DSCAM: variants seen among roughly 807,000 people sequenced by gnomAD.
The protein encoded by DSCAM is cell adhesion molecule DSCAM.
In DSCAM, 47 loss-of-function variants were observed where a neutral mutation model predicts 217.7. That is an observed-to-expected ratio of 0.22 (90% CI 0.17 to 0.28). The LOEUF (loss-of-function observed/expected upper bound fraction) is 0.28, where lower values mean the gene tolerates loss of function less well. Ranked by LOEUF, DSCAM falls within the 10% of genes least tolerant of loss-of-function variation. The pLI, the probability that DSCAM is intolerant of heterozygous loss-of-function variation, is 1.00. For synonymous variants in DSCAM, 1,056 were observed against 1,015.3 expected (o/e 1.04, Z -0.76); for missense variants, 2,080 against 2,618.3 (o/e 0.79, Z 4.49).
intron 8 of DSCAM, among the ~76,000 whole-genome samples, chr21:40,333,927 G>A (rs115184828): frequency 5.4e-4 from 82 of 152,272 alleles, no homozygotes; most frequent in Non-Finnish European, 8.8e-4. Flanking sequence ...TTGGGTTCTC[G>A]CACCTTGCAA....
In DSCAM at chr21:40,802,727, C is replaced by A. The variant is rs372359934; in HGVS notation, c.43+43892G>T. Among the ~76,000 whole-genome samples, 154 of 152,330 alleles carry A rather than the reference C, an allele frequency of 1.0e-3. 1 individual carries two copies. In the South Asian group the frequency reaches 0.032, roughly 32 times the overall value. ...CACTCAGCCCTTCACCATGTGATGG[C>A]CTGGGCTGCCTCAGGACTCTGCAAA... On this transcript the variant is annotated intron_variant, in intron 1 of 32. Coordinates refer to ENST00000400454, the MANE Select transcript of DSCAM (RefSeq NM_001389.5).
chr21:40,809,398 A>T (rs1003185362), intron 1 of DSCAM, among the ~76,000 whole-genome samples: 1 of 152,226 alleles, frequency 6.6e-6, no homozygotes, highest in African/African-American at 2.4e-5. Context: ...TCAAATAGGC[A>T]TGAGAGATAT....
At chr21:40,180,205 T>G (rs1225657319) in intron 14 of DSCAM, among the ~76,000 whole-genome samples, 1 of 152,160 alleles carries the variant, frequency 6.6e-6, no homozygotes, top group Non-Finnish European at 1.5e-5. Flanking sequence ...CTCTGAGTCT[T>G]GGGAATGGGG....
chr21:40,270,582 G>A (rs1404104742), intron 11 of DSCAM, among the ~76,000 whole-genome samples: 1 of 152,194 alleles, frequency 6.6e-6, no homozygotes, highest in African/African-American at 2.4e-5. Context: ...AATGATGATT[G>A]ATATGGTTTG....
chr21:40,674,914 C>T (rs2003642), intron 3 of DSCAM, among the ~76,000 whole-genome samples: 71,632 of 151,828 alleles, frequency 0.47, 17,304 homozygotes, highest in East Asian at 0.59. Flanking sequence ...TGAGCCACCG[C>T]GCCCGGCCCA....
At chr21:40,694,163 A>G (rs1358956059) in intron 2 of DSCAM, among the ~76,000 whole-genome samples, 1 of 152,204 alleles carries the variant, frequency 6.6e-6, no homozygotes, top group Non-Finnish European at 1.5e-5. Flanking sequence ...TATAGTCCCA[A>G]TTAGATGTGC....
chr21:40,759,343 T>C (rs544610119), intron 1 of DSCAM, among the ~76,000 whole-genome samples: 2 of 152,288 alleles, frequency 1.3e-5, no homozygotes, highest in East Asian at 3.9e-4. Flanking sequence ...CCAAGCATCA[T>C]GGTCACCTAA....
intron 3 of DSCAM, among the ~76,000 whole-genome samples, chr21:40,564,506 A>G (rs1246321216): frequency 6.6e-6 from 1 of 152,014 alleles, no homozygotes; most frequent in African/African-American, 2.4e-5. Context: ...CTCTATCAAT[A>G]CTTCTGGCCT....
At chr21:40,671,091 C>T (rs909605155) in intron 3 of DSCAM, among the ~76,000 whole-genome samples, 1 of 152,160 alleles carries the variant, frequency 6.6e-6, no homozygotes, top group Non-Finnish European at 1.5e-5. Flanking sequence ...CCATTCACAT[C>T]CACAGTCTAG....
chr21:40,187,603 C>G (rs1029608549), intron 13 of DSCAM, among the ~76,000 whole-genome samples: 1 of 152,162 alleles, frequency 6.6e-6, no homozygotes, highest in Admixed American at 6.5e-5. Flanking sequence ...TAAAATTGAG[C>G]AAAGAAATTC....
intron 32 of DSCAM, among the ~76,000 whole-genome samples, chr21:40,039,184 G>T (rs2088693862): frequency 6.7e-6 from 1 of 150,308 alleles, no homozygotes; most frequent in African/African-American, 2.5e-5. Flanking sequence ...GAAAAGAAAA[G>T]AAAAAGAATA....
At chr21:40,091,649 A>C (rs62235659) in intron 21 of DSCAM, among the ~76,000 whole-genome samples, 5,546 of 152,228 alleles carry the variant, frequency 0.036, 136 homozygotes, top group Non-Finnish European at 0.058. Flanking sequence ...TAATAAAGGC[A>C]TGCCTGAGAC....
chr21:40,037,328 C>G (rs1241658977), intron 32 of DSCAM, among the ~76,000 whole-genome samples: 1 of 149,870 alleles, frequency 6.7e-6, no homozygotes, highest in Non-Finnish European at 1.5e-5. Context: ...TCTCAGGATA[C>G]AAAATCAATG....
rs868130552 is a variant in DSCAM, at chr21:40,158,604, C to T, written c.3018+8614G>A. 2.0e-5 allele frequency among the ~76,000 whole-genome samples: 3 copies of T among 152,248 alleles called. No individual in the cohort carries two copies. In the Middle Eastern group the frequency reaches 0.01, roughly 518 times the overall value. Reference sequence around the variant, plus strand: ...ATTCCACACGGGCCCACGGGAGCAACACAGGCACTCCCTGAATCACACTCT... The same window carrying T: ...ATTCCACACGGGCCCACGGGAGCAATACAGGCACTCCCTGAATCACACTCT... On this transcript the variant is annotated intron_variant, in intron 16 of 32. Coordinates refer to ENST00000400454, the MANE Select transcript of DSCAM (RefSeq NM_001389.5).
At chr21:40,508,734 A>AAT (rs760072956) in intron 3 of DSCAM, among the ~76,000 whole-genome samples, 128 of 45,830 alleles carry the variant, frequency 2.8e-3, no homozygotes, top group Non-Finnish European at 4.5e-3. Flanking sequence ...ACACCCGGCA[A>AAT]ATATATATAT....
At chr21:40,700,745 T>G (rs1336548235) in intron 2 of DSCAM, among the ~76,000 whole-genome samples, 1 of 151,182 alleles carries the variant, frequency 6.6e-6, no homozygotes, top group Non-Finnish European at 1.5e-5. Flanking sequence ...CTTTTTTTTT[T>G]TTTTTGAGAT....
At chr21:40,726,644 CA>C (rs2090958160) in intron 1 of DSCAM, among the ~76,000 whole-genome samples, 1 of 152,030 alleles carries the variant, frequency 6.6e-6, no homozygotes, top group African/African-American at 2.4e-5. Flanking sequence ...GAGCCCAAAC[CA>C]ACCCTATGCG....
intron 3 of DSCAM, among the ~76,000 whole-genome samples, chr21:40,453,700 G>T (rs184148995): frequency 4.6e-5 from 7 of 152,162 alleles, no homozygotes. Context: ...CTTCTTTTAA[G>T]AACAGATAAT....
intron 3 of DSCAM, among the ~76,000 whole-genome samples, chr21:40,572,426 T>C (rs955414475): frequency 6.6e-6 from 1 of 152,156 alleles, no homozygotes; most frequent in African/African-American, 2.4e-5. Context: ...TTAAATACAA[T>C]TGTATTGATA....
Sources: allele counts gnomAD v4.1 joint callset (sites outside exome capture counted in the v4.1 genomes callset), GRCh38; gene constraint gnomAD v4.1.1; transcripts MANE v1.5; gene names NCBI Gene and HGNC (gene_info 2026-07-23, HGNC 2026-07-21).